Variants in SYN2 observed in about 807,000 individuals in gnomAD.
SYN2 encodes the protein synapsin-2.
A neutral mutation model predicts 50.9 loss-of-function variants in SYN2; 19 were observed. The observed-to-expected ratio is 0.37, with a 90% CI of 0.26 to 0.55. SYN2 has a LOEUF of 0.55. Ranked by LOEUF, SYN2 falls within the 20% of genes least tolerant of loss-of-function variation. The probability of loss-of-function intolerance (pLI) is 0.81; values close to 1 mark genes in which losing one functional copy is unlikely to be tolerated. For missense variants in SYN2, 587 were observed against 576.4 expected, an observed-to-expected ratio of 1.02 and a Z score of -0.19; for synonymous variants, 255 against 224.9, an observed-to-expected ratio of 1.13 and a Z score of -1.20.
chr3:12,009,869 G>A (rs535041352), intron 1 of SYN2, among the ~76,000 whole-genome samples: 5 of 152,306 alleles, frequency 3.3e-5, no homozygotes, highest in Non-Finnish European at 5.9e-5. Flanking sequence ...GGGAGGCCGA[G>A]GTAGGCAGGT....
At chr3:12,130,439 G>T (rs1696770894) in intron 1 of SYN2, among the ~76,000 whole-genome samples, 1 of 152,234 alleles carries the variant, frequency 6.6e-6, no homozygotes, top group Non-Finnish European at 1.5e-5. Flanking sequence ...GAAAAGCTAT[G>T]TCCTTGCTTG....
intron 1 of SYN2, among the ~76,000 whole-genome samples, chr3:12,033,181 G>C (rs1574898836): frequency 6.6e-6 from 1 of 151,958 alleles, no homozygotes; most frequent in East Asian, 1.9e-4. Flanking sequence ...GTGCCTCCCA[G>C]TTAGGCTGCT....
chr3:12,069,986 A>G lies in SYN2; in HGVS notation c.377+65058A>G, dbSNP rs140903390. ...CACGCCTGGCTAATTTTTAGTAGAT[A>G]TGAGGTCTTGCAGTGTTGCCCAGGT... On this transcript the variant is annotated intron_variant, in intron 1 of 12. Transcript: ENST00000621198. 3.6e-4 allele frequency among the ~76,000 whole-genome samples: 54 copies of G among 151,926 alleles called. No individual in the cohort carries two copies. In the East Asian group the frequency reaches 9.7e-3, roughly 27 times the overall value.
intron 1 of SYN2, among the ~76,000 whole-genome samples, chr3:12,101,969 C>T (rs1241214878): frequency 6.6e-6 from 1 of 152,014 alleles, no homozygotes; most frequent in Non-Finnish European, 1.5e-5. Flanking sequence ...TAGAATGCTA[C>T]AAGGCAGAGT....
chr3:12,048,293 G>A (rs1025610138), intron 1 of SYN2, among the ~76,000 whole-genome samples: 1 of 152,114 alleles, frequency 6.6e-6, no homozygotes, highest in South Asian at 2.1e-4. Flanking sequence ...TCAGCCTCCC[G>A]AGTAGCTGGG....
chr3:12,176,034 G>A (rs1421581853), intron 10 of SYN2, among the ~76,000 whole-genome samples: 2 of 152,186 alleles, frequency 1.3e-5, no homozygotes, highest in South Asian at 2.1e-4. Flanking sequence ...TCTCGAGGTG[G>A]CAGTGACACC....
Position 12,150,014 on chromosome 3 carries a change from AT to A in SYN2, c.685-1222del, listed in dbSNP as rs780836863. Among the ~76,000 whole-genome samples, 9 of 152,326 alleles carry A rather than the reference AT, an allele frequency of 5.9e-5. No individual in the cohort carries two copies. The East Asian group carries it at 1.7e-3, about 29-fold the overall frequency. On this transcript the variant is annotated intron_variant, in intron 4 of 12. Transcript: ENST00000621198. ...CACCTAGGAAGTTAACAGAACAAGA[AT>A]CAGAAGATTCCAGTTTTCTAACAAC... is the stretch of plus-strand genomic sequence containing the variant.
chr3:12,023,050 G>A (rs1694179539), intron 1 of SYN2, among the ~76,000 whole-genome samples: 3 of 152,106 alleles, frequency 2.0e-5, no homozygotes. Flanking sequence ...AGAATCCCAG[G>A]AATACGAGAA....
intron 1 of SYN2, among the ~76,000 whole-genome samples, chr3:12,105,647 C>T (rs1367864193): frequency 6.6e-6 from 1 of 151,814 alleles, no homozygotes; most frequent in African/African-American, 2.4e-5. Context: ...AGACCCTTAG[C>T]TGCAGAATTC....
chr3:12,024,037 G>A (rs1694202287), intron 1 of SYN2, among the ~76,000 whole-genome samples: 1 of 151,300 alleles, frequency 6.6e-6, no homozygotes, highest in Admixed American at 6.6e-5. Context: ...TGCAGAAATA[G>A]TAAGTTTGTA....
chr3:12,005,650 T>A (rs1045861988), intron 1 of SYN2, among the ~76,000 whole-genome samples: 2 of 150,926 alleles, frequency 1.3e-5, no homozygotes, highest in Non-Finnish European at 2.9e-5. Flanking sequence ...AAGTGAATGG[T>A]AGCTTTTTCT....
At chr3:12,165,018 C>T (rs1305899675) in intron 7 of SYN2, among the ~76,000 whole-genome samples, 6 of 130,080 alleles carry the variant, frequency 4.6e-5, no homozygotes, top group Non-Finnish European at 7.8e-5. Context: ...GACAGAGTCT[C>T]GCTCTGCCAC....
chr3:12,075,250 A>T (rs374373247), intron 1 of SYN2, among the ~76,000 whole-genome samples: 3 of 152,126 alleles, frequency 2.0e-5, no homozygotes, highest in Non-Finnish European at 4.4e-5. Context: ...GTGGCTTCCT[A>T]TGCACCATTG....
At chr3:12,009,942 A>G (rs987952774) in intron 1 of SYN2, among the ~76,000 whole-genome samples, 10 of 151,288 alleles carry the variant, frequency 6.6e-5, no homozygotes, top group Non-Finnish European at 1.3e-4. Context: ...TAAAATACAA[A>G]AAATTAGTTG....
chr3:12,075,833 CAT>C (rs1366715770), intron 1 of SYN2, among the ~76,000 whole-genome samples: 2 of 152,062 alleles, frequency 1.3e-5, no homozygotes, highest in Non-Finnish European at 2.9e-5. Context: ...CACTAGGCCA[CAT>C]GTGGGATTTT....
chr3:12,019,428 C>G (rs1694086059), intron 1 of SYN2, among the ~76,000 whole-genome samples: 1 of 152,168 alleles, frequency 6.6e-6, no homozygotes, highest in Non-Finnish European at 1.5e-5. Context: ...AGAAAAACTT[C>G]TCTGACACTA....
At chr3:12,111,806 A>T (rs1031181738) in intron 1 of SYN2, among the ~76,000 whole-genome samples, 1 of 152,150 alleles carries the variant, frequency 6.6e-6, no homozygotes, top group Admixed American at 6.5e-5. Context: ...ATTCCTAGGG[A>T]TATTGACTAC....
At chr3:12,136,523 A>G (rs1482194253) in intron 1 of SYN2, among the ~76,000 whole-genome samples, 1 of 152,182 alleles carries the variant, frequency 6.6e-6, no homozygotes, top group African/African-American at 2.4e-5. Flanking sequence ...TCCATTATCC[A>G]ATGCATAAAA....
At chr3:12,152,002 C>T (rs1349532600) in intron 5 of SYN2, among the ~76,000 whole-genome samples, 3 of 152,182 alleles carry the variant, frequency 2.0e-5, no homozygotes, top group African/African-American at 7.2e-5. Flanking sequence ...CTCCCTTCTT[C>T]TTCCCTGTCC....
Sources: gnomAD v4.1 joint callset for allele counts (sites outside exome capture counted in the v4.1 genomes callset) on GRCh38, gnomAD v4.1.1 for gene constraint, MANE v1.5 for transcripts, NCBI Gene and HGNC (gene_info 2026-07-23, HGNC 2026-07-21) for gene names.